The following SH3D19 variants were observed in gnomAD, a reference collection of about 807,000 sequenced individuals.
The protein encoded by SH3D19 is SH3 domain containing 19.
A neutral mutation model predicts 112.1 loss-of-function variants in SH3D19; 58 were observed. The ratio of observed to expected loss-of-function variants is 0.52; its 90% CI spans 0.42 to 0.64. SH3D19 has a LOEUF of 0.64. Among genes scored for constraint, SH3D19 ranks in the 30% least tolerant of loss-of-function variants. The pLI is 0.00. For synonymous variants in SH3D19, 391 were observed against 448.5 expected (o/e 0.87, Z 1.62); for missense variants, 1,090 against 1,263.4 (o/e 0.86, Z 2.08).
intron 1 of SH3D19, among the ~76,000 whole-genome samples, chr4:151,265,912 A>G (rs1254749751): frequency 6.6e-6 from 1 of 152,114 alleles, no homozygotes; most frequent in Admixed American, 6.6e-5. Context: ...GCAGCTTTGG[A>G]AAATTATTCA....
chr4:151,244,202 C>T lies in SH3D19; in HGVS notation c.113-18116G>A, dbSNP rs183173081. ...CCACAGAATCTTCCCACATCTCAAACAACAACAACAACAACAACAACAACA... is the reference window on the plus strand; with the variant it reads ...CCACAGAATCTTCCCACATCTCAAATAACAACAACAACAACAACAACAACA... On this transcript the variant is annotated intron_variant, in intron 1 of 19. Coordinates refer to ENST00000604030, the MANE Select transcript of SH3D19 (RefSeq NM_001378122.1). Among the ~76,000 whole-genome samples the T allele has an allele frequency of 8.0e-5, 12 of 150,490 alleles. No homozygotes were observed. In the East Asian group the frequency reaches 2.3e-3, roughly 29 times the overall value.
chr4:151,251,198 C>CTTTT (rs11368412), intron 1 of SH3D19, among the ~76,000 whole-genome samples: 1 of 142,568 alleles, frequency 7.0e-6, no homozygotes, highest in Non-Finnish European at 1.5e-5. Context: ...TCTTTTTTTC[C>CTTTT]TTTTTTTTTT....
intron 1 of SH3D19, chr4:151,282,317 G>A: frequency 6.2e-7 from 1 of 1,613,920 alleles, no homozygotes; most frequent in Non-Finnish European, 8.5e-7. Flanking sequence ...CTTCACTTCT[G>A]CCATCCTGCC....
intron 1 of SH3D19, among the ~76,000 whole-genome samples, chr4:151,239,230 T>C (rs905580261): frequency 3.4e-4 from 52 of 152,208 alleles, no homozygotes; most frequent in African/African-American, 1.3e-3. Flanking sequence ...TTATGTCTTA[T>C]TGCTTCCACT....
At chr4:151,135,234 G>A in intron 14 of SH3D19, 102 bp from the exon 15 acceptor site, 1 of 842,734 alleles carries the variant, frequency 1.2e-6, no homozygotes, top group Non-Finnish European at 1.8e-6. Context: ...AAATCGATCG[G>A]TTTAGCTAGG....
intron 1 of SH3D19, among the ~76,000 whole-genome samples, chr4:151,300,804 G>C (rs940693835): frequency 6.6e-6 from 1 of 152,200 alleles, no homozygotes; most frequent in East Asian, 1.9e-4. Flanking sequence ...TTTGAAGTCT[G>C]TTGCAAACAG....
intron 1 of SH3D19, among the ~76,000 whole-genome samples, chr4:151,297,791 C>T (rs1415375606): frequency 6.6e-6 from 1 of 152,208 alleles, no homozygotes; most frequent in African/African-American, 2.4e-5. Context: ...TATGTTACTA[C>T]ACGTAGTAAA....
chr4:151,291,505 T>C, intron 1 of SH3D19: 4 of 1,310,936 alleles, frequency 3.1e-6, no homozygotes, highest in Non-Finnish European at 3.1e-6. Flanking sequence ...CAATTTGAAA[T>C]GATTTTGTTT....
chr4:151,248,022 C>A (rs2149974415), intron 1 of SH3D19, among the ~76,000 whole-genome samples: 1 of 152,314 alleles, frequency 6.6e-6, no homozygotes, highest in Middle Eastern at 3.4e-3. Flanking sequence ...AATATGATCA[C>A]AATAACCACC....
In SH3D19 at chr4:151,133,116, T is replaced by G. The variant is rs778859229; in HGVS notation, c.2607A>C (p.Glu869Asp). ...EYVNEEWARG[E>D]VRGRTGIFPL... ...GGAAAATCCCAGTTCTGCCTCGAAC[T>G]TCTCCTCTGGCCCATTCCTCATTCA... Residue 869 changes from glutamate (E) to aspartate (D), a missense_variant, in exon 16 of 20, where the codon GAA (glutamate) becomes GAC (aspartate). Coordinates refer to ENST00000604030, the MANE Select transcript of SH3D19 (RefSeq NM_001378122.1). The G allele has an allele frequency of 5.0e-6, 8 of 1,614,196 alleles. No individual in the cohort carries two copies. Among genetic ancestry groups the G allele is most frequent in the Non-Finnish European group, 6.8e-6 (8 of 1,180,008 alleles).
chr4:151,125,845 C>CAAAAAAAAAAAAAAA (rs66688611), intron 19 of SH3D19, among the ~76,000 whole-genome samples: 4 of 94,238 alleles, frequency 4.2e-5, no homozygotes, highest in Non-Finnish European at 8.5e-5. Flanking sequence ...ATCTCAAAAA[C>CAAAAAAAAAAAAAAA]AAAAAAAAAA....
At chr4:151,229,678 C>T (rs1455417048) in intron 1 of SH3D19, among the ~76,000 whole-genome samples, 1 of 152,068 alleles carries the variant, frequency 6.6e-6, no homozygotes, top group African/African-American at 2.4e-5. Flanking sequence ...TTTGGGAGGC[C>T]GAGGTGGGTG....
intron 14 of SH3D19, among the ~76,000 whole-genome samples, chr4:151,135,421 ATTTTTTT>A (rs34291277): frequency 1.1e-5 from 1 of 87,464 alleles, no homozygotes; most frequent in South Asian, 4.6e-4. Flanking sequence ...TCTCTATCTC[ATTTTTTT>A]TTTTTTTTTT....
intron 16 of SH3D19, among the ~76,000 whole-genome samples, chr4:151,132,586 T>C (rs892391462): frequency 1.3e-5 from 2 of 152,268 alleles, no homozygotes; most frequent in African/African-American, 2.4e-5. Context: ...CAACTATTTA[T>C]AGTCTATATA....
At chr4:151,211,015 G>C (rs1174444887) in intron 2 of SH3D19, among the ~76,000 whole-genome samples, 6 of 152,032 alleles carry the variant, frequency 3.9e-5, no homozygotes, top group Non-Finnish European at 8.8e-5. Context: ...AGACCAGCCT[G>C]ACTGTCTCTA....
chr4:151,291,062 A>AT, intron 1 of SH3D19: 1 of 1,347,882 alleles, frequency 7.4e-7, no homozygotes, highest in African/African-American at 1.4e-5. Context: ...CCTTATTACT[A>AT]CTCTCTTCTT....
intron 1 of SH3D19, among the ~76,000 whole-genome samples, chr4:151,260,933 C>A (rs1772330437): frequency 6.6e-6 from 1 of 152,186 alleles, no homozygotes; most frequent in Non-Finnish European, 1.5e-5. Context: ...AAGACTCTCC[C>A]CGCTTCCTTT....
At chr4:151,143,161 G>A (rs1434989240) in intron 12 of SH3D19, among the ~76,000 whole-genome samples, 5 of 151,726 alleles carry the variant, frequency 3.3e-5, no homozygotes, top group South Asian at 2.1e-4. Flanking sequence ...TGCTTGAGCC[G>A]GGAAGGTCAA....
At chr4:151,264,121 TA>T (rs929172791) in intron 1 of SH3D19, among the ~76,000 whole-genome samples, 5 of 152,096 alleles carry the variant, frequency 3.3e-5, no homozygotes, top group African/African-American at 1.2e-4. Flanking sequence ...AGTCTTTTTA[TA>T]ACCTAATCTC....
Sources: gnomAD v4.1 joint callset for allele counts (sites outside exome capture counted in the v4.1 genomes callset) on GRCh38, gnomAD v4.1.1 for gene constraint, MANE v1.5 for transcripts, NCBI Gene and HGNC (gene_info 2026-07-23, HGNC 2026-07-21) for gene names.